ATP6V1C2: variants seen among roughly 807,000 people sequenced by gnomAD.
The protein encoded by ATP6V1C2 is ATPase H+ transporting V1 subunit C2, also known as V-type proton ATPase subunit C 2.
Under a neutral mutation model 56.8 loss-of-function variants are expected in ATP6V1C2, and 45 were observed. The observed-to-expected ratio is 0.79, with a 90% CI of 0.62 to 1.02. ATP6V1C2 has a LOEUF of 1.02. Ranked by LOEUF, ATP6V1C2 falls within the 50% of genes least tolerant of loss-of-function variation. The pLI is 0.00. For missense variants in ATP6V1C2, 463 were observed against 519.7 expected, an observed-to-expected ratio of 0.89 and a Z score of 1.06; for synonymous variants, 220 against 201.3, an observed-to-expected ratio of 1.09 and a Z score of -0.79.
In ATP6V1C2 at chr2:10,771,916, C is replaced by T; in HGVS notation, c.548C>T (p.Thr183Ile). The change falls in exon 7 of 14, where the codon ACA becomes ATA. Residue 183 changes from threonine (T) to isoleucine (I), a missense_variant. By Grantham distance (89) the Thr-to-Ile change is moderately conservative. Coordinates refer to ENST00000272238, the MANE Select transcript of ATP6V1C2 (RefSeq NM_001039362.2). ...GTGCTGGATTCTGAATATCTCGTCA[C>T]ACTTCTGGTCATCGTCCCCAAGTGA... is the stretch of plus-strand genomic sequence containing the variant. ...DFVLDSEYLV[T>I]LLVIVPKPNY... The T allele has an allele frequency of 6.2e-7, 1 of 1,614,110 alleles. No individual in the cohort carries two copies. Among genetic ancestry groups the T allele is most frequent in the Non-Finnish European group, 8.5e-7 (1 of 1,179,952 alleles).
chr2:10,742,215 G>A (rs1056921722), intron 3 of ATP6V1C2, among the ~76,000 whole-genome samples: 1 of 152,032 alleles, frequency 6.6e-6, no homozygotes, highest in African/African-American at 2.4e-5. Context: ...GGCCTTTCTG[G>A]GTAATTTCTG....
chr2:10,725,784 G>GA (rs1475426250), intron 2 of ATP6V1C2, among the ~76,000 whole-genome samples: 2 of 151,522 alleles, frequency 1.3e-5, no homozygotes, highest in East Asian at 4.0e-4. Context: ...AAAGAACAGA[G>GA]AAAAAGACGG....
In ATP6V1C2 at chr2:10,747,661, A is replaced by T. The variant is rs117457635; in HGVS notation, c.198-6320A>T. Among the ~76,000 whole-genome samples the T allele has an allele frequency of 1.3e-3, 196 of 151,944 alleles. 4 individuals carry two copies. The East Asian group carries it at 0.036, about 28-fold the overall frequency. On this transcript the variant is annotated intron_variant, in intron 3 of 13. Transcript: ENST00000272238. ...GATCACTTAAGGCCAGGAGTTTGAG[A>T]CCAGTCTGGACCACACAGCAAGACA... is the stretch of plus-strand genomic sequence containing the variant.
intron 7 of ATP6V1C2, 25 bp downstream of exon 7, chr2:10,771,962 A>G: frequency 6.2e-7 from 1 of 1,601,724 alleles, no homozygotes; most frequent in East Asian, 2.2e-5. Flanking sequence ...ATCACGAAGG[A>G]AACCGGCCCT....
intron 3 of ATP6V1C2, among the ~76,000 whole-genome samples, chr2:10,747,281 A>G (rs1662970553): frequency 6.6e-6 from 1 of 152,050 alleles, no homozygotes; most frequent in Non-Finnish European, 1.5e-5. Context: ...AAAAAGAAAG[A>G]AAAAAAAGAA....
At chr2:10,737,355 G>C (rs761271744) in intron 3 of ATP6V1C2, among the ~76,000 whole-genome samples, 129 of 151,192 alleles carry the variant, frequency 8.5e-4, no homozygotes, top group Non-Finnish European at 1.5e-3. Context: ...GCTTGAACCC[G>C]GGAGGTGCAG....
chr2:10,735,034 G>A (rs1280765892), intron 3 of ATP6V1C2, among the ~76,000 whole-genome samples: 3 of 152,080 alleles, frequency 2.0e-5, no homozygotes, highest in African/African-American at 7.2e-5. Flanking sequence ...GCAGTGAGCC[G>A]TGATCGAGCC....
intron 3 of ATP6V1C2, among the ~76,000 whole-genome samples, chr2:10,742,562 G>T (rs1487008339): frequency 6.6e-6 from 1 of 152,140 alleles, no homozygotes; most frequent in Non-Finnish European, 1.5e-5. Flanking sequence ...GCACCCGCCG[G>T]CTGCTCCTCT....
At chr2:10,781,213 G>A (rs6732283) in intron 12 of ATP6V1C2, among the ~76,000 whole-genome samples, 4,403 of 152,246 alleles carry the variant, frequency 0.029, 242 homozygotes, top group African/African-American at 0.1. Context: ...GCACAACAGA[G>A]GCAGGCCTCT....
At chr2:10,770,724 G>A (rs529731658) in intron 6 of ATP6V1C2, among the ~76,000 whole-genome samples, 5 of 152,338 alleles carry the variant, frequency 3.3e-5, no homozygotes, top group East Asian at 3.9e-4. Flanking sequence ...GATTTACTAA[G>A]TGCATATACC....
chr2:10,774,530 G>A (rs1012166859), intron 8 of ATP6V1C2, among the ~76,000 whole-genome samples: 2 of 152,200 alleles, frequency 1.3e-5, no homozygotes, highest in African/African-American at 4.8e-5. Flanking sequence ...AATTTGATAA[G>A]CGGGAGCTAA....
At chr2:10,772,409 T>G (rs1572602788) in intron 7 of ATP6V1C2, 133 bp from the exon 8 acceptor site, 1 of 776,414 alleles carries the variant, frequency 1.3e-6, no homozygotes, top group South Asian at 1.5e-5. Flanking sequence ...TCAGGGGAGG[T>G]GAGGGCTCCC....
intron 6 of ATP6V1C2, among the ~76,000 whole-genome samples, chr2:10,771,099 C>T (rs1664572154): frequency 6.6e-6 from 1 of 152,184 alleles, no homozygotes; most frequent in Non-Finnish European, 1.5e-5. Flanking sequence ...GATGTTCAGG[C>T]AGGGGACAGC....
chr2:10,774,443 T>C (rs1483908546), intron 8 of ATP6V1C2, among the ~76,000 whole-genome samples: 2 of 152,190 alleles, frequency 1.3e-5, no homozygotes, highest in East Asian at 3.8e-4. Flanking sequence ...TGCTTTACTA[T>C]CAGGCAGCAC....
chr2:10,756,591 G>A lies in ATP6V1C2; in HGVS notation c.283+2525G>A, dbSNP rs188483104. Among the ~76,000 whole-genome samples the A allele has an allele frequency of 6.6e-4, 100 of 151,290 alleles. 2 individuals carry two copies. Among genetic ancestry groups the A allele is most frequent in the South Asian group, 2.9e-3 (14 of 4,784 alleles). ...AAATTAGCTGGGTGTGGTGGCTGGC[G>A]CTTGTAATCCCAGCTTCTTGGGAGG... On this transcript the variant is annotated intron_variant, in intron 4 of 13. Transcript: ENST00000272238.
chr2:10,774,926 C>G lies in ATP6V1C2; in HGVS notation c.731+46C>G, dbSNP rs770372841. 4.3e-6 allele frequency: 7 copies of G among 1,611,732 alleles called. No individual in the cohort carries two copies. The South Asian group carries it at 7.7e-5, about 18-fold the overall frequency. On this transcript the variant is annotated intron_variant, in intron 9 of 13. Coordinates refer to ENST00000272238, the MANE Select transcript of ATP6V1C2 (RefSeq NM_001039362.2). ...GTTCATCTCCCGCTGCGGGGGGTCT[C>G]TGCCCCTCTGGAAAGCTTCTGAGTG...
intron 3 of ATP6V1C2, among the ~76,000 whole-genome samples, chr2:10,752,275 G>T (rs2046792): frequency 6.6e-6 from 1 of 152,322 alleles, no homozygotes; most frequent in South Asian, 2.1e-4. Context: ...TGCTACCTCT[G>T]CCTCCTTCCT....
At chr2:10,739,366 G>A (rs1007949843) in intron 3 of ATP6V1C2, among the ~76,000 whole-genome samples, 2 of 152,018 alleles carry the variant, frequency 1.3e-5, no homozygotes, top group Admixed American at 6.6e-5. Flanking sequence ...CTGTGCCCTC[G>A]ATGTAAAATT....
chr2:10,772,021 C>T (rs780511786), intron 7 of ATP6V1C2, 84 bp downstream of exon 7: 283 of 1,200,622 alleles, frequency 2.4e-4, no homozygotes, highest in Non-Finnish European at 3.0e-4. Flanking sequence ...GCAGTGTGGA[C>T]GAGGATGCTC....
Sources: gnomAD v4.1 joint callset for allele counts (sites outside exome capture counted in the v4.1 genomes callset) on GRCh38, gnomAD v4.1.1 for gene constraint, MANE v1.5 for transcripts, NCBI Gene and HGNC (gene_info 2026-07-23, HGNC 2026-07-21) for gene names.